Variants in WDR17 observed in about 807,000 individuals in gnomAD.
WDR17 encodes WD repeat domain 17, also known as WD repeat-containing protein 17.
WDR17 carries 143 observed loss-of-function variants against 161.7 expected under a neutral mutation model. The observed-to-expected ratio is 0.88, with a 90% CI of 0.77 to 1.02. WDR17 has a LOEUF of 1.02. Ranked by LOEUF, WDR17 falls within the 50% of genes least tolerant of loss-of-function variation. The pLI, the probability that WDR17 is intolerant of heterozygous loss-of-function variation, is 0.00. For missense variants in WDR17, 1,469 were observed against 1,520.9 expected (o/e 0.97, Z 0.57); for synonymous variants, 517 against 515.6 (o/e 1.00, Z -0.04).
At chr4:176,106,920 C>T (rs551455471) in intron 1 of WDR17, among the ~76,000 whole-genome samples, 4 of 151,822 alleles carry the variant, frequency 2.6e-5, no homozygotes, top group South Asian at 2.1e-4. Flanking sequence ...CACTACACTC[C>T]GGAAGGAAAC....
Position 176,181,686 on chromosome 4 carries a change from T to C in WDR17, c.*2107T>C, listed in dbSNP as rs4536876. ...ATGGCAGTCTCAATCCTACTGTCAT[T>C]CTTTTTATTTTAAAATAAATAAATA... On this transcript the variant is annotated 3_prime_UTR_variant, in exon 29 of 29. Coordinates refer to ENST00000508596, the MANE Select transcript of WDR17 (RefSeq NM_181265.4). The C allele has an allele frequency of 0.66, 100,872 of 152,712 alleles. 33,949 individuals carry two copies. The highest frequency in any genetic ancestry group is 0.75 in the South Asian group (3,637 of 4,820). The allele number at this position is 152,712 out of a possible 1,614,324, so 9.5% of individuals were successfully genotyped here. A position where few individuals can be genotyped will look rare whatever the true frequency, so the allele number is the denominator to read the frequency against.
At chr4:176,095,716 C>T (rs1736755097) in intron 1 of WDR17, among the ~76,000 whole-genome samples, 1 of 151,998 alleles carries the variant, frequency 6.6e-6, no homozygotes, top group Non-Finnish European at 1.5e-5. Context: ...ATCCATCCTT[C>T]AGCCCTTTGT....
chr4:176,086,433 C>CT (rs543560286), intron 1 of WDR17, among the ~76,000 whole-genome samples: 1 of 151,700 alleles, frequency 6.6e-6, no homozygotes, highest in African/African-American at 2.4e-5. Context: ...TTGTGTCATT[C>CT]TTTTTTTGTC....
At chr4:176,133,167 A>C (rs114650216) in intron 7 of WDR17, among the ~76,000 whole-genome samples, 34,345 of 142,958 alleles carry the variant, frequency 0.24, 4,435 homozygotes, top group African/African-American at 0.28. Context: ...AGAAAAAAAA[A>C]ACAATTTTTT....
intron 1 of WDR17, among the ~76,000 whole-genome samples, chr4:176,080,734 G>A (rs952962244): frequency 2.6e-4 from 39 of 152,084 alleles, no homozygotes; most frequent in Middle Eastern, 3.4e-3. Context: ...GCTTGAGAAC[G>A]TTCTCCTTTG....
chr4:176,157,262 C>G (rs35573037), intron 18 of WDR17, among the ~76,000 whole-genome samples: 33,234 of 152,104 alleles, frequency 0.22, 3,824 homozygotes, highest in South Asian at 0.27. Context: ...ATGTAATTAC[C>G]TTTCTTCTGA....
chr4:176,171,855 T>G (rs1750777956), intron 23 of WDR17, among the ~76,000 whole-genome samples: 1 of 152,186 alleles, frequency 6.6e-6, no homozygotes, highest in Non-Finnish European at 1.5e-5. Flanking sequence ...TCATGGCATT[T>G]CAAAATGTCA....
chr4:176,172,896 T>C (rs374817056), intron 24 of WDR17, among the ~76,000 whole-genome samples: 1 of 152,108 alleles, frequency 6.6e-6, no homozygotes, highest in South Asian at 2.1e-4. Flanking sequence ...ACCAAGGGGA[T>C]TGCACTAAGC....
At chr4:176,146,232 T>C in intron 12 of WDR17, 73 bp downstream of exon 12, 1 of 1,469,056 alleles carries the variant, frequency 6.8e-7, no homozygotes, top group African/African-American at 1.4e-5. Flanking sequence ...ATGTACATAT[T>C]TATAGGAGAT....
chr4:176,166,743 A>C (rs747268374), intron 22 of WDR17, among the ~76,000 whole-genome samples: 10 of 152,194 alleles, frequency 6.6e-5, no homozygotes, highest in Non-Finnish European at 1.2e-4. Flanking sequence ...AATTTTGATA[A>C]GAGGAAACAC....
chr4:176,141,825 G>C (rs1207617515), intron 10 of WDR17, among the ~76,000 whole-genome samples, 158 bp from the exon 11 acceptor site: 1 of 152,136 alleles, frequency 6.6e-6, no homozygotes, highest in African/African-American at 2.4e-5. Flanking sequence ...CTTATAATTG[G>C]TAACATTTAT....
At position 176,179,485 on chromosome 4, in the gene WDR17, G is replaced by A; in HGVS notation, c.3758G>A (p.Gly1253Glu). 1 of 1,600,016 alleles carries A rather than the reference G, an allele frequency of 6.2e-7. No individual in the cohort carries two copies. The highest frequency in any genetic ancestry group is 2.3e-5 in the East Asian group (1 of 44,160). Residue 1253 changes from glycine to glutamate, a missense_variant, in exon 29 of 29, where the codon GGG becomes GAG. Gly to Glu is a moderately conservative substitution (Grantham distance 98, BLOSUM62 -2). Coordinates refer to ENST00000508596, the MANE Select transcript of WDR17 (RefSeq NM_181265.4). ...GGCCCTGTGTTTTTCCTTGAAGACG[G>A]GAAATCTGCTATCTCCTTGAATGAT... The part of the protein sequence containing the change: ...IQGPVFFLED[G>E]KSAISLNDAL...
intron 2 of WDR17, among the ~76,000 whole-genome samples, chr4:176,115,469 G>GT (rs879743467): frequency 4.0e-5 from 6 of 151,644 alleles, no homozygotes; most frequent in Non-Finnish European, 7.4e-5. Flanking sequence ...AAAACCAAGG[G>GT]TTTTTTCTTC....
chr4:176,168,600 CTTT>C lies in WDR17; in HGVS notation c.2991-71_2991-69del, dbSNP rs771475806. 222 of 1,577,940 alleles carry C rather than the reference CTTT, an allele frequency of 1.4e-4. 1 individual carries two copies. The Middle Eastern group carries it at 1.9e-3, about 13-fold the overall frequency. On this transcript the variant is annotated intron_variant, in intron 22 of 28. Coordinates refer to ENST00000508596, the MANE Select transcript of WDR17 (RefSeq NM_181265.4). ...GTGGTATATTATATGAATTGCCCTT[CTTT>C]GAGATAGTTATGAATGTTATTTTTA... is the stretch of plus-strand genomic sequence containing the variant.
At chr4:176,122,617 G>A (rs191917548) in intron 4 of WDR17, among the ~76,000 whole-genome samples, 6 of 152,260 alleles carry the variant, frequency 3.9e-5, no homozygotes, top group Non-Finnish European at 8.8e-5. Flanking sequence ...ATTAATACCA[G>A]TATAGCTAGG....
intron 1 of WDR17, among the ~76,000 whole-genome samples, chr4:176,072,202 G>T (rs892496076): frequency 1.3e-5 from 2 of 152,168 alleles, no homozygotes; most frequent in Non-Finnish European, 2.9e-5. Context: ...AAATGCTCAG[G>T]TAAACTCAAG....
Position 176,151,889 on chromosome 4 carries a change from A to G in WDR17, c.2382A>G (p.Arg794=), listed in dbSNP as rs373230323. Reference sequence around the variant, plus strand: ...TTGGTGTACCTGCTAAAGAGGAAAGACTGAAGGAAGCTGCTGAAATCCACT... The same window carrying G: ...TTGGTGTACCTGCTAAAGAGGAAAGGCTGAAGGAAGCTGCTGAAATCCACT... ...GGIGVPAKEE[R]LKEAAEIHLR... Residue 794 remains arginine, a synonymous_variant, in exon 17 of 29, where the codon AGA becomes AGG. Transcript: ENST00000508596. 1 of 1,613,462 alleles carries G rather than the reference A, an allele frequency of 6.2e-7. No individual in the cohort carries two copies. Among genetic ancestry groups the G allele is most frequent in the African/African-American group, 1.3e-5 (1 of 74,892 alleles).
chr4:176,119,910 G>A lies in WDR17; in HGVS notation c.351G>A (p.Val117=). Reference sequence around the variant, plus strand: ...GTTGGTGCTGGAATGCAGAGGATGTGGTGGCATTTGTTTCCCACAGAGGCC... The same window carrying A: ...GTTGGTGCTGGAATGCAGAGGATGTAGTGGCATTTGTTTCCCACAGAGGCC... The part of the protein sequence containing the change: ...SLSWCWNAED[V]VAFVSHRGPL... The change falls in exon 4 of 29, where the codon GTG becomes GTA. Residue 117 remains valine, a synonymous_variant. Transcript: ENST00000508596. 6.2e-7 allele frequency: 1 copy of A among 1,614,124 alleles called. No individual in the cohort carries two copies. Among genetic ancestry groups the A allele is most frequent in the Non-Finnish European group, 8.5e-7 (1 of 1,180,006 alleles).
intron 1 of WDR17, among the ~76,000 whole-genome samples, chr4:176,101,026 T>C (rs760723015): frequency 6.6e-6 from 1 of 152,164 alleles, no homozygotes; most frequent in Non-Finnish European, 1.5e-5. Context: ...ATGCATTGCC[T>C]CCAGTTTTAT....
Sources: gnomAD v4.1 joint callset for allele counts (sites outside exome capture counted in the v4.1 genomes callset) on GRCh38, gnomAD v4.1.1 for gene constraint, MANE v1.5 for transcripts, NCBI Gene and HGNC (gene_info 2026-07-23, HGNC 2026-07-21) for gene names.